The following RYR3 variants were observed in gnomAD, a reference collection of about 807,000 sequenced individuals.
The protein encoded by RYR3 is ryanodine receptor 3.
In RYR3, 207 loss-of-function variants were observed where a neutral mutation model predicts 584.3. That is an observed-to-expected ratio of 0.35 (90% CI 0.32 to 0.40). RYR3 has a LOEUF of 0.40. Ranked by LOEUF, RYR3 falls within the 10% of genes least tolerant of loss-of-function variation. RYR3 has a pLI of 1.00. For synonymous variants in RYR3, 2,416 were observed against 2,248.5 expected (o/e 1.07, Z -2.11); for missense variants, 5,616 against 6,089.2 (o/e 0.92, Z 2.59).
chr15:33,529,133 A>G lies in RYR3; in HGVS notation c.280-1459A>G, dbSNP rs929048580. On this transcript the variant is annotated intron_variant, in intron 3 of 103. Transcript: ENST00000634891. The stretch of plus-strand genomic sequence containing the variant: ...ATTTATAAATACAGAAACTAAAGTT[A>G]GTGCAGATGATTTCAAGAAATTTTA... Among the ~76,000 whole-genome samples the G allele has an allele frequency of 2.0e-5, 3 of 152,250 alleles. No homozygotes were observed. The East Asian group carries it at 5.8e-4, about 29-fold the overall frequency.
chr15:33,672,759 A>C (rs1225205501), intron 38 of RYR3, among the ~76,000 whole-genome samples: 1 of 152,246 alleles, frequency 6.6e-6, no homozygotes, highest in Admixed American at 6.5e-5. Flanking sequence ...TTGATGAAAT[A>C]ATAAAAGTGT....
At chr15:33,374,079 C>G (rs2040538521) in intron 1 of RYR3, among the ~76,000 whole-genome samples, 1 of 151,846 alleles carries the variant, frequency 6.6e-6, no homozygotes, top group African/African-American at 2.4e-5. Flanking sequence ...TTTTATTTTC[C>G]CTGTTAAATC....
rs570111013 is a variant in RYR3, at chr15:33,416,365, G to A, written c.52-57054G>A. Among the ~76,000 whole-genome samples, 22 of 152,270 alleles carry A rather than the reference G, an allele frequency of 1.4e-4. No individual in the cohort carries two copies. The East Asian group carries it at 4.2e-3, about 29-fold the overall frequency. On this transcript the variant is annotated intron_variant, in intron 1 of 103. Coordinates refer to ENST00000634891, the MANE Select transcript of RYR3 (RefSeq NM_001036.6). ...TTTCTCTACAACCTTGCCAGTATCT[G>A]TTATTTTTTGACTTTTTAATAGTAG...
In RYR3 at chr15:33,860,291, A is replaced by G. The variant is rs2080201590; in HGVS notation, c.14300-304A>G. Among the ~76,000 whole-genome samples the G allele has an allele frequency of 2.6e-5, 4 of 152,142 alleles. No individual in the cohort carries two copies. In the South Asian group the frequency reaches 8.3e-4, roughly 32 times the overall value. On this transcript the variant is annotated intron_variant, in intron 100 of 103. Coordinates refer to ENST00000634891, the MANE Select transcript of RYR3 (RefSeq NM_001036.6). ...GCTAGGAGAAGAGGGAGAGCCTATC[A>G]CACAGACTGAACACAAATAGCTAAG... is the stretch of plus-strand genomic sequence containing the variant.
chr15:33,451,980 A>C (rs2047167066), intron 1 of RYR3, among the ~76,000 whole-genome samples: 1 of 152,206 alleles, frequency 6.6e-6, no homozygotes, highest in Non-Finnish European at 1.5e-5. Flanking sequence ...ACAATCACAG[A>C]CTTAATCAAA....
At chr15:33,332,326 A>G (rs1970460887) in intron 1 of RYR3, among the ~76,000 whole-genome samples, 1 of 152,106 alleles carries the variant, frequency 6.6e-6, no homozygotes, top group African/African-American at 2.4e-5. Context: ...GTCTGAAAAT[A>G]TAGAGCAAAA....
chr15:33,814,489 C>T (rs914980983), intron 74 of RYR3, among the ~76,000 whole-genome samples: 1 of 152,216 alleles, frequency 6.6e-6, no homozygotes, highest in Admixed American at 6.5e-5. Flanking sequence ...CTATGCTTGA[C>T]ATTTTGTTTT....
At chr15:33,624,061 A>G in intron 20 of RYR3, 38 bp downstream of exon 20, 1 of 1,347,338 alleles carries the variant, frequency 7.4e-7, no homozygotes, top group Admixed American at 1.7e-5. Flanking sequence ...ACCAATATAG[A>G]TGAAGCAATA....
intron 93 of RYR3, among the ~76,000 whole-genome samples, chr15:33,846,514 C>G (rs964143495): frequency 2.6e-5 from 4 of 152,040 alleles, no homozygotes; most frequent in Non-Finnish European, 4.4e-5. Flanking sequence ...TTTTTTTCTT[C>G]CTTCTCTTGA....
chr15:33,530,752 G>A (rs2217806), intron 4 of RYR3, 86 bp downstream of exon 4: 30,377 of 957,136 alleles, frequency 0.032, 622 homozygotes, highest in Non-Finnish European at 0.041. Flanking sequence ...CAATAACAAC[G>A]TAACAGCAGG....
At chr15:33,788,640 T>G (rs1277291803) in intron 67 of RYR3, among the ~76,000 whole-genome samples, 182 bp downstream of exon 67, 1 of 152,234 alleles carries the variant, frequency 6.6e-6, no homozygotes, top group Non-Finnish European at 1.5e-5. Flanking sequence ...ATTGCTTTCC[T>G]GGAGCAATGA....
chr15:33,776,872 G>A (rs570682680), intron 64 of RYR3, among the ~76,000 whole-genome samples: 37 of 152,356 alleles, frequency 2.4e-4, no homozygotes, highest in African/African-American at 7.7e-4. Flanking sequence ...AGTGCTACTT[G>A]TCAAATTAGG....
intron 18 of RYR3, among the ~76,000 whole-genome samples, chr15:33,604,436 T>G (rs188081507): frequency 6.6e-6 from 1 of 152,356 alleles, no homozygotes; most frequent in Non-Finnish European, 1.5e-5. Flanking sequence ...TATGGATTTT[T>G]TTGTTGTTGT....
chr15:33,861,005 TA>T (rs1887996728), intron 101 of RYR3, 72 bp from the exon 102 acceptor site: 1 of 1,160,856 alleles, frequency 8.6e-7, no homozygotes, highest in African/African-American at 1.5e-5. Context: ...TTCAATTCGA[TA>T]GAATCATGAC....
At chr15:33,723,156 C>A (rs1272736122) in intron 44 of RYR3, among the ~76,000 whole-genome samples, 2 of 152,206 alleles carry the variant, frequency 1.3e-5, no homozygotes, top group African/African-American at 4.8e-5. Context: ...CTTGGCCTCC[C>A]TATAGTATCA....
At chr15:33,704,299 AAG>A (rs1229634983) in intron 42 of RYR3, among the ~76,000 whole-genome samples, 4 of 152,064 alleles carry the variant, frequency 2.6e-5, no homozygotes, top group African/African-American at 4.8e-5. Context: ...AAAAAAAAGA[AAG>A]AAAAAAATCT....
Position 33,840,856 on chromosome 15 carries a change from A to T in RYR3, c.13010A>T (p.Glu4337Val), listed in dbSNP as rs1034802988. 1.2e-6 allele frequency: 2 copies of T among 1,613,842 alleles called. No individual in the cohort carries two copies. The highest frequency in any genetic ancestry group is 3.3e-5 in the Admixed American group (2 of 59,998). Residue 4337 changes from glutamate to valine, a missense_variant, in exon 90 of 104, where the codon GAA (glutamate) becomes GTA (valine). This residue lies in a region of RYR3 where 918 missense variants were observed against 887.4 expected (regional missense o/e 1.03). Transcript: ENST00000634891. ...AAEMKAANEAEGKVESEKADM... is the reference protein window; with the variant it reads ...AAEMKAANEAVGKVESEKADM... ...GAAATGAAAGCAGCAAATGAAGCAG[A>T]AGGAAAAGTAGAATCCGAGAAGGCA...
chr15:33,615,022 T>C (rs574098181), intron 19 of RYR3, among the ~76,000 whole-genome samples: 41 of 152,332 alleles, frequency 2.7e-4, no homozygotes, highest in African/African-American at 9.9e-4. Context: ...TTTTTAATTA[T>C]TTTAACCACG....
intron 11 of RYR3, among the ~76,000 whole-genome samples, chr15:33,566,003 A>G (rs1372248645): frequency 6.6e-6 from 1 of 151,974 alleles, no homozygotes; most frequent in African/African-American, 2.4e-5. Context: ...CCAACCCTCT[A>G]AGATAAGTCT....
Sources: gnomAD v4.1 joint callset for allele counts (sites outside exome capture counted in the v4.1 genomes callset) on GRCh38, gnomAD v4.1.1 for gene constraint, gnomAD v4.1.1 regional missense constraint, MANE v1.5 for transcripts, NCBI Gene and HGNC (gene_info 2026-07-23, HGNC 2026-07-21) for gene names.